Variants in PDZK1 observed in about 807,000 individuals in gnomAD.
The protein encoded by PDZK1 is Na(+)/H(+) exchange regulatory cofactor NHE-RF3.
A neutral mutation model predicts 38.1 loss-of-function variants in PDZK1; 23 were observed. The observed-to-expected ratio is 0.60, with a 90% CI of 0.43 to 0.85. The LOEUF is 0.85. Ranked by LOEUF, PDZK1 falls within the 40% of genes least tolerant of loss-of-function variation. PDZK1 has a pLI of 0.00. For missense variants in PDZK1, 297 were observed against 504.3 expected, an observed-to-expected ratio of 0.59 and a Z score of 3.94; for synonymous variants, 98 against 186.2, an observed-to-expected ratio of 0.53 and a Z score of 3.86.
intron 1 of PDZK1, among the ~76,000 whole-genome samples, chr1:145,696,003 C>A (rs748803730): frequency 3.3e-5 from 5 of 152,188 alleles, no homozygotes; most frequent in Non-Finnish European, 5.9e-5. Context: ...GTGCAGCACC[C>A]AGTGTCAGGG....
intron 1 of PDZK1, among the ~76,000 whole-genome samples, chr1:145,695,238 T>C (rs1263469149): frequency 1.3e-5 from 2 of 151,894 alleles, no homozygotes; most frequent in African/African-American, 2.4e-5. Flanking sequence ...CTGGCCAACA[T>C]GGCGAAACCC....
intron 1 of PDZK1, among the ~76,000 whole-genome samples, chr1:145,694,010 A>G (rs913530913): frequency 9.2e-5 from 14 of 152,198 alleles, no homozygotes; most frequent in African/African-American, 3.4e-4. Flanking sequence ...TGCCCCAGCC[A>G]GCAGGATAGG....
intron 6 of PDZK1, among the ~76,000 whole-genome samples, chr1:145,675,563 GCAA>G: frequency 6.8e-6 from 1 of 146,846 alleles, no homozygotes; most frequent in Non-Finnish European, 1.5e-5. Context: ...TCATATACTT[GCAA>G]CAGTTCCACA....
chr1:145,701,725 G>A lies in PDZK1; in HGVS notation c.-3+5592C>T, dbSNP rs1448578882. 5.3e-5 allele frequency among the ~76,000 whole-genome samples: 8 copies of A among 152,240 alleles called. No individual in the cohort carries two copies. The East Asian group carries it at 1.4e-3, about 26-fold the overall frequency. On this transcript the variant is annotated intron_variant, in intron 1 of 8. Transcript: ENST00000417171. The stretch of plus-strand genomic sequence containing the variant: ...CTGCCACAGAGCCTTGGCACATGCT[G>A]TTCCTTCCAACAGCATAAGCAAAAA...
At chr1:145,682,868 T>A (rs1654403135) in intron 3 of PDZK1, among the ~76,000 whole-genome samples, 1 of 152,210 alleles carries the variant, frequency 6.6e-6, no homozygotes, top group Admixed American at 6.5e-5. Flanking sequence ...TTCGATTGTC[T>A]TGCTGGAGCA....
intron 1 of PDZK1, among the ~76,000 whole-genome samples, chr1:145,697,599 T>G (rs587705283): frequency 5.9e-5 from 9 of 151,762 alleles, no homozygotes; most frequent in African/African-American, 9.7e-5. Context: ...AAGCAACGAA[T>G]ATTGATATTT....
intron 1 of PDZK1, among the ~76,000 whole-genome samples, chr1:145,695,723 G>A (rs1553704009): frequency 6.6e-6 from 1 of 152,150 alleles, no homozygotes; most frequent in Non-Finnish European, 1.5e-5. Flanking sequence ...ACACACTGCA[G>A]AGAGGCCAGG....
rs78784865 is a variant in PDZK1, at chr1:145,693,401, C to G, written c.-2-5378G>C. Reference sequence around the variant, plus strand: ...ATCACCTGTAGAGATTTAGAAAAATCGATGCTTAGGCCCCACCTCAGGTCT... The same window carrying G: ...ATCACCTGTAGAGATTTAGAAAAATGGATGCTTAGGCCCCACCTCAGGTCT... On this transcript the variant is annotated intron_variant, in intron 1 of 8. Coordinates refer to ENST00000417171, the MANE Select transcript of PDZK1 (RefSeq NM_001201325.2). Among the ~76,000 whole-genome samples the G allele has an allele frequency of 7.3e-3, 1,104 of 152,210 alleles. 28 individuals are homozygous for G. The highest frequency in any genetic ancestry group is 0.025 in the African/African-American group (1,056 of 41,516).
At chr1:145,694,620 C>T (rs143439572) in intron 1 of PDZK1, among the ~76,000 whole-genome samples, 65 of 152,038 alleles carry the variant, frequency 4.3e-4, no homozygotes, top group African/African-American at 1.5e-3. Flanking sequence ...AATAACTTGC[C>T]GGGTGCAGTG....
At chr1:145,702,935 C>T (rs1230861091) in intron 1 of PDZK1, among the ~76,000 whole-genome samples, 6 of 152,146 alleles carry the variant, frequency 3.9e-5, no homozygotes, top group Non-Finnish European at 5.9e-5. Flanking sequence ...CACTGAGGCT[C>T]AGCATAATCC....
chr1:145,679,474 A>G (rs149190584), intron 5 of PDZK1, among the ~76,000 whole-genome samples: 286 of 152,240 alleles, frequency 1.9e-3, no homozygotes, highest in African/African-American at 6.7e-3. Flanking sequence ...TGCAGTTTGT[A>G]TTAGTTCCTG....
In PDZK1 at chr1:145,694,454, T is replaced by C. The variant is rs587647455; in HGVS notation, c.-2-6431A>G. Reference sequence around the variant, plus strand: ...CCATTTCAGCATCAAGAAGACATACTACCCAAACCTGATTTCATTTGTTCA... The same window carrying C: ...CCATTTCAGCATCAAGAAGACATACCACCCAAACCTGATTTCATTTGTTCA... On this transcript the variant is annotated intron_variant, in intron 1 of 8. Coordinates refer to ENST00000417171, the MANE Select transcript of PDZK1 (RefSeq NM_001201325.2). 1.1e-4 allele frequency among the ~76,000 whole-genome samples: 17 copies of C among 152,350 alleles called. 1 individual carries two copies. In the East Asian group the frequency reaches 3.3e-3, roughly 29 times the overall value.
At chr1:145,702,119 C>G (rs882210) in intron 1 of PDZK1, among the ~76,000 whole-genome samples, 7,448 of 152,180 alleles carry the variant, frequency 0.049, 253 homozygotes, top group Middle Eastern at 0.13. Flanking sequence ...GAAGAGTGAT[C>G]CCAGACCCAC....
Position 145,704,353 on chromosome 1 carries a change from A to G in PDZK1, c.-3+2964T>C, listed in dbSNP as rs145968463. ...AAACCAGTGACCACCTCAGACCAAA[A>G]GCAAACCTTCTCTAGTTGCCACTAA... On this transcript the variant is annotated intron_variant, in intron 1 of 8. Transcript: ENST00000417171. Among the ~76,000 whole-genome samples, 5 of 152,284 alleles carry G rather than the reference A, an allele frequency of 3.3e-5. No homozygotes were observed. In the East Asian group the frequency reaches 9.7e-4, roughly 29 times the overall value.
chr1:145,704,482 A>C (rs1559081636), intron 1 of PDZK1, among the ~76,000 whole-genome samples: 1 of 152,204 alleles, frequency 6.6e-6, no homozygotes, highest in Non-Finnish European at 1.5e-5. Context: ...AGATTATCTC[A>C]ATAGCACTTA....
chr1:145,681,228 G>C (rs1654215577), intron 4 of PDZK1, 121 bp from the exon 5 acceptor site: 3 of 458,926 alleles, frequency 6.5e-6, no homozygotes, highest in Non-Finnish European at 1.2e-5. Flanking sequence ...GGGATGAAAG[G>C]CCTGAGTTTA....
At chr1:145,688,065 A>G (rs41315705) in intron 1 of PDZK1, 42 bp from the exon 2 acceptor site, 1 of 1,523,966 alleles carries the variant, frequency 6.6e-7, no homozygotes, top group East Asian at 2.3e-5. Flanking sequence ...TGGAAAAGAG[A>G]ATCTAATTGG....
In PDZK1 at chr1:145,698,261, G is replaced by T. The variant is rs188767470; in HGVS notation, c.-3+9056C>A. 4.0e-4 allele frequency among the ~76,000 whole-genome samples: 61 copies of T among 152,164 alleles called. 1 individual carries two copies. Among genetic ancestry groups the T allele is most frequent in the Admixed American group, 3.7e-3 (57 of 15,274 alleles). On this transcript the variant is annotated intron_variant, in intron 1 of 8. Transcript: ENST00000417171. Reference sequence around the variant, plus strand: ...TTTTCATGAGAAGACAACTGCCTGAGGAAGAGGAGGCCAGCATGCCACCTT... The same window carrying T: ...TTTTCATGAGAAGACAACTGCCTGATGAAGAGGAGGCCAGCATGCCACCTT...
At chr1:145,701,526 G>A (rs1655959418) in intron 1 of PDZK1, among the ~76,000 whole-genome samples, 1 of 152,070 alleles carries the variant, frequency 6.6e-6, no homozygotes. Context: ...GTGCATCTGT[G>A]TAACAAGAAA....
Sources: gnomAD v4.1 joint callset for allele counts (sites outside exome capture counted in the v4.1 genomes callset) on GRCh38, gnomAD v4.1.1 for gene constraint, MANE v1.5 for transcripts, NCBI Gene and HGNC (gene_info 2026-07-23, HGNC 2026-07-21) for gene names.